Variants in MAF observed in about 807,000 individuals in gnomAD.
The protein encoded by MAF is transcription factor Maf.
MAF carries 10 observed loss-of-function variants against 22.0 expected under a neutral mutation model. The ratio of observed to expected loss-of-function variants is 0.45; its 90% CI spans 0.28 to 0.77. The LOEUF (loss-of-function observed/expected upper bound fraction) is 0.77, where lower values mean the gene tolerates loss of function less well. Among genes scored for constraint, MAF ranks in the 30% least tolerant of loss-of-function variants. The pLI is 0.12. For synonymous variants in MAF, 337 were observed against 255.8 expected (o/e 1.32, Z -3.03); for missense variants, 544 against 548.4 (o/e 0.99, Z 0.08).
chr16:79,222,780 A>G, the MAF span, among the ~76,000 whole-genome samples: 1 of 152,212 alleles, frequency 6.6e-6, no homozygotes, highest in African/African-American at 2.4e-5. Context: ...AAAGAAGGGC[A>G]TTACATAATG....
chr16:79,315,393 A>G, the MAF span, among the ~76,000 whole-genome samples: 2 of 152,210 alleles, frequency 1.3e-5, no homozygotes, highest in Non-Finnish European at 2.9e-5. Context: ...AGAGAAACTA[A>G]CATCTATTGA....
chr16:79,215,002 G>A, the MAF span, among the ~76,000 whole-genome samples: 3 of 152,096 alleles, frequency 2.0e-5, no homozygotes, highest in Admixed American at 6.5e-5. Context: ...GAGCTACCAT[G>A]CTTGGCTATT....
the MAF span, among the ~76,000 whole-genome samples, chr16:79,561,012 C>A: frequency 6.6e-6 from 1 of 152,202 alleles, no homozygotes; most frequent in Non-Finnish European, 1.5e-5. Flanking sequence ...TCAATGCTGT[C>A]CTGCCGTCTA....
At chr16:79,341,056 C>CCT in the MAF span, among the ~76,000 whole-genome samples, 1 of 152,078 alleles carries the variant, frequency 6.6e-6, no homozygotes, top group Admixed American at 6.5e-5. Context: ...CCAAGGCCTG[C>CCT]AGCATGGAAG....
At chr16:79,228,900 C>T in the MAF span, among the ~76,000 whole-genome samples, 1 of 151,964 alleles carries the variant, frequency 6.6e-6, no homozygotes, top group Non-Finnish European at 1.5e-5. Context: ...ACCCCAGTTC[C>T]TCCCTCCAGC....
the MAF span, among the ~76,000 whole-genome samples, chr16:79,452,131 G>C: frequency 6.6e-6 from 1 of 152,198 alleles, no homozygotes; most frequent in African/African-American, 2.4e-5. Flanking sequence ...GACTGCAATA[G>C]AGACAGTGTG....
the MAF span, among the ~76,000 whole-genome samples, chr16:79,381,587 T>C: frequency 6.6e-6 from 1 of 152,236 alleles, no homozygotes; most frequent in African/African-American, 2.4e-5. Context: ...GCTCCCCCCA[T>C]TCCTGGCCCT....
At chr16:79,540,494 G>T in the MAF span, among the ~76,000 whole-genome samples, 1 of 152,184 alleles carries the variant, frequency 6.6e-6, no homozygotes, top group South Asian at 2.1e-4. Flanking sequence ...CAGCTCAGAC[G>T]AAGCCAGCTG....
the MAF span, among the ~76,000 whole-genome samples, chr16:79,439,415 C>G: frequency 9.0e-4 from 137 of 151,934 alleles, no homozygotes; most frequent in Non-Finnish European, 1.4e-3. Context: ...GCGCCCGTCA[C>G]CATGCCCGGC....
At chr16:79,221,208 G>C in the MAF span, among the ~76,000 whole-genome samples, 1 of 152,284 alleles carries the variant, frequency 6.6e-6, no homozygotes, top group South Asian at 2.1e-4. Context: ...TTGGTTCCGG[G>C]GAATTTTACC....
the MAF span, among the ~76,000 whole-genome samples, chr16:79,233,512 G>T: frequency 2.6e-5 from 4 of 152,006 alleles, no homozygotes; most frequent in South Asian, 2.1e-4. Flanking sequence ...GACACAAGAT[G>T]CATCAGTAGC....
At chr16:79,533,938 G>C in the MAF span, among the ~76,000 whole-genome samples, 3 of 152,210 alleles carry the variant, frequency 2.0e-5, no homozygotes, top group African/African-American at 7.2e-5. Context: ...AGAGACAACA[G>C]AGGGCAAGGA....
the MAF span, among the ~76,000 whole-genome samples, chr16:79,311,497 TA>T: frequency 0.21 from 28,220 of 136,524 alleles, 3,458 homozygotes; most frequent in East Asian, 0.46. Flanking sequence ...TTGTTTTCTT[TA>T]AAAAAAAAAA....
At chr16:79,595,590 G>A (rs1913470455) in intron 1 of MAF, 2 of 1,059,210 alleles carry the variant, frequency 1.9e-6, no homozygotes, top group South Asian at 9.1e-5. Flanking sequence ...TTTAAAAATA[G>A]GTCAGCGCTT....
the MAF span, chr16:79,204,267 C>T: frequency 2.0e-5 from 3 of 152,092 alleles, no homozygotes; most frequent in Admixed American, 6.6e-5. Context: ...TCAACAATAC[C>T]TTCTCTTAGT....
chr16:79,302,157 G>C, the MAF span, among the ~76,000 whole-genome samples: 1 of 152,342 alleles, frequency 6.6e-6, no homozygotes, highest in African/African-American at 2.4e-5. Context: ...GATCCAGCCT[G>C]GTAGCCACGA....
the MAF span, among the ~76,000 whole-genome samples, chr16:79,291,611 T>A: frequency 6.6e-6 from 1 of 151,704 alleles, no homozygotes; most frequent in Non-Finnish European, 1.5e-5. Flanking sequence ...CAGACTCTAC[T>A]CTGACCTATG....
the MAF span, among the ~76,000 whole-genome samples, chr16:79,278,530 A>C: frequency 6.6e-6 from 1 of 152,226 alleles, no homozygotes; most frequent in African/African-American, 2.4e-5. Flanking sequence ...TCTTGTGTAC[A>C]GAACGAAGAG....
chr16:79,404,577 G>A, the MAF span, among the ~76,000 whole-genome samples: 4 of 152,110 alleles, frequency 2.6e-5, no homozygotes, highest in East Asian at 1.9e-4. Context: ...ATGGGGTGCC[G>A]CAGAGTCAAT....
Sources: allele counts gnomAD v4.1 joint callset (sites outside exome capture counted in the v4.1 genomes callset), GRCh38; gene constraint gnomAD v4.1.1; transcripts MANE v1.5; gene names NCBI Gene and HGNC (gene_info 2026-07-23, HGNC 2026-07-21).